VWA5B2: variants seen among roughly 807,000 people sequenced by gnomAD.
VWA5B2 encodes von Willebrand factor A domain containing 5B2, also known as von Willebrand factor A domain-containing protein 5B2.
Under a neutral mutation model 118.5 loss-of-function variants are expected in VWA5B2, and 93 were observed. That is an observed-to-expected ratio of 0.79 (90% CI 0.66 to 0.93). The LOEUF (loss-of-function observed/expected upper bound fraction) is 0.93. Among genes scored for constraint, VWA5B2 ranks in the 40% least tolerant of loss-of-function variants. The probability of loss-of-function intolerance (pLI) is 0.00; values close to 1 mark genes in which losing one functional copy is unlikely to be tolerated. For synonymous variants in VWA5B2, 708 were observed against 716.3 expected (o/e 0.99, Z 0.19); for missense variants, 1,546 against 1,672.8 (o/e 0.92, Z 1.32).
In VWA5B2 at chr3:184,241,028, C is replaced by T. The variant is rs1364693496; in HGVS notation, c.2883C>T (p.Pro961=). 2 of 1,551,648 alleles carry T rather than the reference C, an allele frequency of 1.3e-6. No individual in the cohort carries two copies. The highest frequency in any genetic ancestry group is 2.4e-5 in the East Asian group (1 of 40,926). The change falls in exon 18 of 20, where the codon CCC becomes CCT. Residue 961 remains proline (P), a synonymous_variant. Transcript: ENST00000691901. The surrounding 1 kb of genome is among the most constrained non-coding windows in gnomAD (Gnocchi z 5.1). ...PGALQVCSSE[P]AEPPGTPPAS... is the part of the protein sequence containing the mutation. ...CTGTCCCATGTGCCCCTGCAGAGCCCGCTGAGCCCCCAGGAACCCCTCCTG... is the reference window on the plus strand; with the variant it reads ...CTGTCCCATGTGCCCCTGCAGAGCCTGCTGAGCCCCCAGGAACCCCTCCTG...
In VWA5B2 at chr3:184,236,262, T is replaced by C. The variant is rs969281373; in HGVS notation, c.1212T>C (p.Asp404=). Residue 404 remains aspartate, a splice_region_variant and synonymous_variant, in exon 9 of 20, where the codon GAT becomes GAC. Coordinates refer to ENST00000691901, the MANE Select transcript of VWA5B2 (RefSeq NM_001390846.1). ...TCCCAGAGAGCCGGCCTTGCAGTGA[T>C]GTGAGTGTGGTCCAGGGATCTGGGG... ...PLFPESRPCS[D]DAVQLICESI... 3.2e-6 allele frequency: 5 copies of C among 1,551,650 alleles called. No individual in the cohort carries two copies. In the African/African-American group the frequency reaches 6.8e-5, roughly 21 times the overall value.
chr3:184,238,962 A>C lies in VWA5B2; in HGVS notation c.2202+89A>C, dbSNP rs1008333676. On this transcript the variant is annotated intron_variant, in intron 14 of 19. Transcript: ENST00000691901. This position sits in a 1 kb window ranked among gnomAD's most constrained non-coding sequence, Gnocchi z 5.0. ...CACCAGATATTATGTAGAGTTTACT[A>C]TTAAGTCTAGCTAGAGAGAAAGGTG... 6 of 1,326,638 alleles carry C rather than the reference A, an allele frequency of 4.5e-6. No individual in the cohort carries two copies. The highest frequency in any genetic ancestry group is 5.1e-6 in the Non-Finnish European group (5 of 990,038). 82.2% of individuals were successfully genotyped at this position (1,326,638 alleles called of 1,614,324 possible).
At position 184,240,800 on chromosome 3, in the gene VWA5B2, G is replaced by A. The variant is rs149481274; in HGVS notation, c.2750G>A (p.Arg917Gln). The change falls in exon 17 of 20, where the codon CGG (arginine) becomes CAG (glutamine). Residue 917 changes from arginine (R) to glutamine (Q), a missense_variant. Coordinates refer to ENST00000691901, the MANE Select transcript of VWA5B2 (RefSeq NM_001390846.1). The stretch of plus-strand genomic sequence containing the variant: ...CTCCTTGGTTCCACAGGCCATGCCC[G>A]GAGGTGCTGGCTTCGAGCCCTTCAG... ...AETTADRGHA[R>Q]RCWLRALQTS... 103 of 1,551,030 alleles carry A rather than the reference G, an allele frequency of 6.6e-5. No homozygotes were observed. The African/African-American group carries it at 9.3e-4, about 14-fold the overall frequency.
chr3:184,239,464 C>A lies in VWA5B2; in HGVS notation c.2273C>A (p.Ser758Tyr). The A allele has an allele frequency of 1.9e-6, 3 of 1,550,092 alleles. No homozygotes were observed. The highest frequency in any genetic ancestry group is 2.6e-6 in the Non-Finnish European group (3 of 1,146,540). Residue 758 changes from serine to tyrosine, a missense_variant, in exon 15 of 20, where the codon TCC becomes TAC. This residue lies in a region of VWA5B2 where 763 missense variants were observed against 766.6 expected (regional missense o/e 1.00). Transcript: ENST00000691901. The surrounding 1 kb of genome is among the most constrained non-coding windows in gnomAD (Gnocchi z 5.1). Reference sequence around the variant, plus strand: ...GCTCTGGCTGGCCGAAGCCTCTCATCCCCTCCAGGCCGGGCAAACCAAGTC... The same window carrying A: ...GCTCTGGCTGGCCGAAGCCTCTCATACCCTCCAGGCCGGGCAAACCAAGTC... ...RAALAGRSLS[S>Y]PPGRANQVPG...
rs1170037008 is a variant in VWA5B2 at position 184,237,207 on chromosome 3, C to T, written c.1534-19C>T. The T allele has an allele frequency of 6.5e-7, 1 of 1,548,064 alleles. No homozygotes were observed. Among genetic ancestry groups the T allele is most frequent in the African/African-American group, 1.4e-5 (1 of 73,082 alleles). On this transcript the variant is annotated intron_variant, in intron 11 of 19. Coordinates refer to ENST00000691901, the MANE Select transcript of VWA5B2 (RefSeq NM_001390846.1). The surrounding 1 kb of genome is among the most constrained non-coding windows in gnomAD (Gnocchi z 5.6). Reference sequence around the variant, plus strand: ...CACCTCTTTCCTTCCCATGTCTTCCCTGTGGCCACTCCCCACAGCTGGTAC... The same window carrying T: ...CACCTCTTTCCTTCCCATGTCTTCCTTGTGGCCACTCCCCACAGCTGGTAC...
intron 3 of VWA5B2, 49 bp downstream of exon 3, chr3:184,230,966 C>T: frequency 1.7e-6 from 2 of 1,207,484 alleles, no homozygotes; most frequent in South Asian, 8.3e-5. Context: ...GGGCGCAGCT[C>T]AGGCTCCCGC....
rs1272507789 is a variant in VWA5B2, at chr3:184,233,917, C to A, written c.688+184C>A. On this transcript the variant is annotated intron_variant, in intron 5 of 19. Transcript: ENST00000691901. The surrounding 1 kb of genome is among the most constrained non-coding windows in gnomAD (Gnocchi z 5.2). ...GGTCACCTCTACCCAACACACACACCCCAATTTTATCAAGGTAATTTATTT... is the reference window on the plus strand; with the variant it reads ...GGTCACCTCTACCCAACACACACACACCAATTTTATCAAGGTAATTTATTT... 6.6e-6 allele frequency among the ~76,000 whole-genome samples: 1 copy of A among 152,126 alleles called. No individual in the cohort carries two copies. Among genetic ancestry groups the A allele is most frequent in the African/African-American group, 2.4e-5 (1 of 41,410 alleles).
chr3:184,234,894 T>A, intron 7 of VWA5B2, 139 bp downstream of exon 7: 2 of 1,333,830 alleles, frequency 1.5e-6, no homozygotes, highest in Non-Finnish European at 2.0e-6. Context: ...CCACCAACCA[T>A]CACAGAGGAC....
chr3:184,232,385 C>T lies in VWA5B2; in HGVS notation c.311-793C>T, dbSNP rs573552897. ...TGATGCTGTGCTGTCTCCACTGTGT[C>T]GGTTGGCTGGGATGGAAGCCCCTTT... On this transcript the variant is annotated intron_variant, in intron 3 of 19. Coordinates refer to ENST00000691901, the MANE Select transcript of VWA5B2 (RefSeq NM_001390846.1). Among the ~76,000 whole-genome samples, 32 of 152,318 alleles carry T rather than the reference C, an allele frequency of 2.1e-4. No homozygotes were observed. In the East Asian group the frequency reaches 2.7e-3, roughly 13 times the overall value.
Position 184,239,721 on chromosome 3 carries a change from G to C in VWA5B2, c.2425G>C (p.Asp809His). ...GCTCTCCCCAGCCCCTATGGACTGG[G>C]ACATGCTGATGGAACCACCCTTCTT... ...NLLSPAPMDW[D>H]MLMEPPFLFT... Residue 809 changes from aspartate to histidine, a missense_variant, in exon 16 of 20, where the codon GAC becomes CAC. By Grantham distance (81) the Asp-to-His change is moderately conservative. Coordinates refer to ENST00000691901, the MANE Select transcript of VWA5B2 (RefSeq NM_001390846.1). This position sits in a 1 kb window ranked among gnomAD's most constrained non-coding sequence, Gnocchi z 5.1. 1 of 1,493,806 alleles carries C rather than the reference G, an allele frequency of 6.7e-7. No individual in the cohort carries two copies. Among genetic ancestry groups the C allele is most frequent in the Non-Finnish European group, 9.0e-7 (1 of 1,115,046 alleles). The allele number at this position is 1,493,806 out of a possible 1,614,324, so 92.5% of individuals were successfully genotyped here.
In VWA5B2 at chr3:184,233,410, G is replaced by T. The variant is rs763098223; in HGVS notation, c.530+13G>T. 1 of 1,517,480 alleles carries T rather than the reference G, an allele frequency of 6.6e-7. No homozygotes were observed. The highest frequency in any genetic ancestry group is 8.8e-7 in the Non-Finnish European group (1 of 1,133,032). 94.0% of individuals were successfully genotyped at this position (1,517,480 alleles called of 1,614,324 possible). A position where few individuals can be genotyped will look rare whatever the true frequency, so the allele number is the denominator to read the frequency against. On this transcript the variant is annotated intron_variant, in intron 4 of 19. Coordinates refer to ENST00000691901, the MANE Select transcript of VWA5B2 (RefSeq NM_001390846.1). This position sits in a 1 kb window ranked among gnomAD's most constrained non-coding sequence, Gnocchi z 5.2. Reference sequence around the variant, plus strand: ...TCTGTGACGACAGGTTGGGCCTATGGTGATTCTCTTCGTCCCTCCCTCGGC... The same window carrying T: ...TCTGTGACGACAGGTTGGGCCTATGTTGATTCTCTTCGTCCCTCCCTCGGC...
In VWA5B2 at chr3:184,241,762, C is replaced by T. The variant is rs1407546543; in HGVS notation, c.3453C>T (p.Ser1151=). Residue 1151 remains serine (S), a synonymous_variant, in exon 20 of 20, where the codon TCC becomes TCT. Transcript: ENST00000691901. The surrounding 1 kb of genome is among the most constrained non-coding windows in gnomAD (Gnocchi z 5.1). Reference sequence around the variant, plus strand: ...GGCGGGGCTCAGACACCGAGGCCTCCGAGGGGGCGGAAGGGCTGGGCGGCA... The same window carrying T: ...GGCGGGGCTCAGACACCGAGGCCTCTGAGGGGGCGGAAGGGCTGGGCGGCA... The part of the protein sequence containing the change: ...DSGRGSDTEA[S]EGAEGLGGTD... 1.3e-6 allele frequency: 2 copies of T among 1,482,634 alleles called. No individual in the cohort carries two copies. The highest frequency in any genetic ancestry group is 4.5e-5 in the Admixed American group (2 of 44,888). 91.8% of individuals were successfully genotyped at this position (1,482,634 alleles called of 1,614,324 possible). A position where few individuals can be genotyped will look rare whatever the true frequency, so the allele number is the denominator to read the frequency against.
rs894656577 is a variant in VWA5B2 at position 184,241,547 on chromosome 3, G to A, written c.3238G>A (p.Val1080Met). 8 of 1,549,714 alleles carry A rather than the reference G, an allele frequency of 5.2e-6. No homozygotes were observed. The highest frequency in any genetic ancestry group is 1.4e-5 in the African/African-American group (1 of 73,072). Reference protein sequence around the residue: ...FRLDAPFCAAVRISQERLCRA... With the variant: ...FRLDAPFCAAMRISQERLCRA... ...CCTGGACGCGCCCTTCTGCGCCGCT[G>A]TGCGCATCTCGCAGGAGCGCCTCTG... Residue 1080 changes from valine to methionine, a missense_variant, in exon 20 of 20, where the codon GTG becomes ATG. By Grantham distance (21) the Val-to-Met change is conservative. Coordinates refer to ENST00000691901, the MANE Select transcript of VWA5B2 (RefSeq NM_001390846.1). This position sits in a 1 kb window ranked among gnomAD's most constrained non-coding sequence, Gnocchi z 5.1.
chr3:184,241,935 T>A lies in VWA5B2; in HGVS notation c.3626T>A (p.Leu1209Gln). The A allele has an allele frequency of 6.5e-7, 1 of 1,548,478 alleles. No individual in the cohort carries two copies. The highest frequency in any genetic ancestry group is 1.2e-5 in the South Asian group (1 of 83,968). ...CAGCACTTGCCTGACGGCCTTGACC[T>A]GGCCGCCCTCAAGGCCGCAGCCCGA... ...RAQHLPDGLD[L>Q]AALKAAARGL... Residue 1209 changes from leucine (L) to glutamine (Q), a missense_variant, in exon 20 of 20, where the codon CTG becomes CAG. By Grantham distance (113) the Leu-to-Gln change is moderately radical (BLOSUM62 -2). This residue lies in a region of VWA5B2 where 763 missense variants were observed against 766.6 expected (regional missense o/e 1.00). Transcript: ENST00000691901. The surrounding 1 kb of genome is among the most constrained non-coding windows in gnomAD (Gnocchi z 5.1).
rs1335077025 is a variant in VWA5B2, at chr3:184,233,731, C to T, written c.686C>T (p.Ala229Val). ...EMLVTGPCLL[A>V]GLESPSHALR... is the part of the protein sequence containing the mutation. ...CTGGTGACTGGGCCATGCCTGCTTG[C>T]AGGTGGGTGCATCTGGCTGGCCTGC... is the stretch of plus-strand genomic sequence containing the variant. The change falls in exon 5 of 20, where the codon GCA (alanine) becomes GTA (valine). Residue 229 changes from alanine to valine, a missense_variant and splice_region_variant. By Grantham distance (64) the Ala-to-Val change is moderately conservative (BLOSUM62 0). This residue lies in a region of VWA5B2 where 775 missense variants were observed against 882.3 expected (regional missense o/e 0.88). Transcript: ENST00000691901. The surrounding 1 kb of genome is among the most constrained non-coding windows in gnomAD (Gnocchi z 5.2). 6.5e-7 allele frequency: 1 copy of T among 1,550,036 alleles called. No individual in the cohort carries two copies. The highest frequency in any genetic ancestry group is 1.4e-5 in the African/African-American group (1 of 73,134).
Position 184,237,431 on chromosome 3 carries a change from T to C in VWA5B2, c.1719+20T>C. 2 of 1,536,264 alleles carry C rather than the reference T, an allele frequency of 1.3e-6. No homozygotes were observed. The highest frequency in any genetic ancestry group is 1.8e-6 in the Non-Finnish European group (2 of 1,136,538). On this transcript the variant is annotated intron_variant, in intron 12 of 19. Coordinates refer to ENST00000691901, the MANE Select transcript of VWA5B2 (RefSeq NM_001390846.1). The surrounding 1 kb of genome is among the most constrained non-coding windows in gnomAD (Gnocchi z 5.6). ...CCAGGGGTAAGCTTGGGCTGGGGTGTGGTAGGGGGGCTAGGGTGAGGTAGG... is the reference window on the plus strand; with the variant it reads ...CCAGGGGTAAGCTTGGGCTGGGGTGCGGTAGGGGGGCTAGGGTGAGGTAGG...
In VWA5B2 at chr3:184,234,353, G is replaced by A; in HGVS notation, c.776G>A (p.Gly259Asp). ...AATICVTLAE[G>D]HHCDRALEIL... ...ACCATCTGTGTCACACTGGCAGAGG[G>A]CCACCACTGTGACCGGGCCTTGGAG... is the stretch of plus-strand genomic sequence containing the variant. The change falls in exon 6 of 20, where the codon GGC becomes GAC. Residue 259 changes from glycine to aspartate, a missense_variant. By Grantham distance (94) the Gly-to-Asp change is moderately conservative. Coordinates refer to ENST00000691901, the MANE Select transcript of VWA5B2 (RefSeq NM_001390846.1). 6.4e-7 allele frequency: 1 copy of A among 1,551,716 alleles called. No individual in the cohort carries two copies. The highest frequency in any genetic ancestry group is 8.7e-7 in the Non-Finnish European group (1 of 1,147,016).
chr3:184,238,611 C>G lies in VWA5B2; in HGVS notation c.1940C>G (p.Ser647Cys). Residue 647 changes from serine (S) to cysteine (C), a missense_variant, in exon 14 of 20, where the codon TCT becomes TGT. By Grantham distance (112) the Ser-to-Cys change is moderately radical. Coordinates refer to ENST00000691901, the MANE Select transcript of VWA5B2 (RefSeq NM_001390846.1). The surrounding 1 kb of genome is among the most constrained non-coding windows in gnomAD (Gnocchi z 5.0). ...DPVTDPGPNPSDTAIWRRIFQ... is the reference protein window; with the variant it reads ...DPVTDPGPNPCDTAIWRRIFQ... ...GTCACGGATCCTGGACCCAACCCCTCTGACACAGCCATATGGCGCCGCATC... is the reference window on the plus strand; with the variant it reads ...GTCACGGATCCTGGACCCAACCCCTGTGACACAGCCATATGGCGCCGCATC... 1 of 1,551,868 alleles carries G rather than the reference C, an allele frequency of 6.4e-7. No homozygotes were observed. Among genetic ancestry groups the G allele is most frequent in the Admixed American group, 2.0e-5 (1 of 51,008 alleles).
chr3:184,241,862 G>A lies in VWA5B2; in HGVS notation c.3553G>A (p.Asp1185Asn). Residue 1185 changes from aspartate (D) to asparagine (N), a missense_variant, in exon 20 of 20, where the codon GAC (aspartate) becomes AAC (asparagine). By Grantham distance (23) the Asp-to-Asn change is conservative. This residue lies in a region of VWA5B2 where 763 missense variants were observed against 766.6 expected (regional missense o/e 1.00). Coordinates refer to ENST00000691901, the MANE Select transcript of VWA5B2 (RefSeq NM_001390846.1). The surrounding 1 kb of genome is among the most constrained non-coding windows in gnomAD (Gnocchi z 5.1). ...GGAGCACCGATGCGCCGCTGCCTTC[G>A]ACGAGTGGGAACTGACAGCGGCCAA... ...WLEHRCAAAF[D>N]EWELTAAKAD... The A allele has an allele frequency of 3.2e-6, 5 of 1,544,274 alleles. No individual in the cohort carries two copies. Among genetic ancestry groups the A allele is most frequent in the Non-Finnish European group, 4.4e-6 (5 of 1,145,656 alleles).
Sources: gnomAD v4.1 joint callset for allele counts (sites outside exome capture counted in the v4.1 genomes callset) on GRCh38, gnomAD v4.1.1 for gene constraint, gnomAD v4.1.1 regional missense constraint, Gnocchi (gnomAD v3.1) non-coding constraint, MANE v1.5 for transcripts, NCBI Gene and HGNC (gene_info 2026-07-23, HGNC 2026-07-21) for gene names.